PCDHGA4: variants seen among roughly 807,000 people sequenced by gnomAD.
The protein encoded by PCDHGA4 is protocadherin gamma-A4.
A neutral mutation model predicts 54.6 loss-of-function variants in PCDHGA4; 38 were observed. The observed-to-expected ratio is 0.70, with a 90% CI of 0.54 to 0.91. The LOEUF is 0.91. Ranked by LOEUF, PCDHGA4 falls within the 40% of genes least tolerant of loss-of-function variation. The pLI, the probability that PCDHGA4 is intolerant of heterozygous loss-of-function variation, is 0.00. For missense variants in PCDHGA4, 1,298 were observed against 1,220.9 expected (o/e 1.06, Z -0.94); for synonymous variants, 511 against 512.9 (o/e 1.00, Z 0.05).
At chr5:141,363,237 CATTTTCTACA>C (rs1481168613) in intron 1 of PCDHGA4, among the ~76,000 whole-genome samples, 1 of 152,240 alleles carries the variant, frequency 6.6e-6, no homozygotes, top group Non-Finnish European at 1.5e-5. Context: ...ATGTTCACAT[CATTTTCTACA>C]AAATATTACT....
Position 141,477,198 on chromosome 5 carries a change from TACCCGAGGATG to T in PCDHGA4, c.2515-17608_2515-17598del. 6.2e-7 allele frequency: 1 copy of T among 1,614,194 alleles called. No homozygotes were observed. The highest frequency in any genetic ancestry group is 2.2e-5 in the East Asian group (1 of 44,874). On this transcript the variant is annotated intron_variant, in intron 1 of 3. Transcript: ENST00000571252. The surrounding 1 kb of genome is among the most constrained non-coding windows in gnomAD (Gnocchi z 4.9). ...ACAGTCACCTCCGTGTACAGCCCAG[TACCCGAGGATG>T]CCCCTCTGGGGACTGTCATCGCTTT...
intron 1 of PCDHGA4, chr5:141,403,573 C>G: frequency 6.2e-7 from 1 of 1,613,946 alleles, no homozygotes; most frequent in South Asian, 1.1e-5. Context: ...AGGCAACTGC[C>G]CACCACCTGG....
intron 1 of PCDHGA4, chr5:141,384,769 G>A (rs778610936): frequency 6.2e-7 from 1 of 1,613,914 alleles, no homozygotes; most frequent in Non-Finnish European, 8.5e-7. Context: ...GCTGTACACG[G>A]GCGAGGTGCG....
At chr5:141,447,084 T>A (rs2098525776) in intron 1 of PCDHGA4, among the ~76,000 whole-genome samples, 1 of 152,186 alleles carries the variant, frequency 6.6e-6, no homozygotes, top group Non-Finnish European at 1.5e-5. Flanking sequence ...TTTTGTTGTT[T>A]AATTTTCTTT....
Position 141,383,135 on chromosome 5 carries a change from A to T in PCDHGA4, c.2514+25514A>T. On this transcript the variant is annotated intron_variant, in intron 1 of 3. Coordinates refer to ENST00000571252, the MANE Select transcript of PCDHGA4 (RefSeq NM_018917.4). ...AGGACGCAGCTTTTCGCCCTGAACC[A>T]GCGCAGCGGCAGCTTGGTCACTGCG... The T allele has an allele frequency of 1.2e-5, 20 of 1,614,114 alleles. No homozygotes were observed. Among genetic ancestry groups the T allele is most frequent in the Non-Finnish European group, 1.7e-5 (20 of 1,179,996 alleles).
rs754711722 is a variant in PCDHGA4, at chr5:141,371,108, C to A, written c.2514+13487C>A. Reference sequence around the variant, plus strand: ...TAATTGTCGCAGATGCAAATGATAACCCCCCAGTATTTACTCAGGACATGT... The same window carrying A: ...TAATTGTCGCAGATGCAAATGATAAACCCCCAGTATTTACTCAGGACATGT... On this transcript the variant is annotated intron_variant, in intron 1 of 3. Coordinates refer to ENST00000571252, the MANE Select transcript of PCDHGA4 (RefSeq NM_018917.4). 12 of 1,613,642 alleles carry A rather than the reference C, an allele frequency of 7.4e-6. No individual in the cohort carries two copies. In the African/African-American group the frequency reaches 1.5e-4, roughly 20 times the overall value.
intron 1 of PCDHGA4, chr5:141,418,539 A>C (rs984639830): frequency 6.2e-7 from 1 of 1,614,034 alleles, no homozygotes; most frequent in East Asian, 2.2e-5. Flanking sequence ...GGTACTGCTC[A>C]GATAAGAATC....
At chr5:141,501,997 C>A (rs2099812238) in intron 2 of PCDHGA4, among the ~76,000 whole-genome samples, 1 of 152,128 alleles carries the variant, frequency 6.6e-6, no homozygotes, top group Non-Finnish European at 1.5e-5. Context: ...GTCTCCCTGA[C>A]AACCCGCATG....
rs146748846 is a variant in PCDHGA4 at position 141,452,937 on chromosome 5, G to C, written c.2515-41870G>C. 4.0e-4 allele frequency among the ~76,000 whole-genome samples: 61 copies of C among 152,254 alleles called. No individual in the cohort carries two copies. The East Asian group carries it at 0.01, about 26-fold the overall frequency. On this transcript the variant is annotated intron_variant, in intron 1 of 3. Coordinates refer to ENST00000571252, the MANE Select transcript of PCDHGA4 (RefSeq NM_018917.4). The stretch of plus-strand genomic sequence containing the variant: ...AGTAAGAAAGAGCTGCTGAAGATTT[G>C]CTTGCAATTGGTTGTCTTTAAACTG...
chr5:141,361,197 T>A, intron 1 of PCDHGA4: 1 of 1,613,872 alleles, frequency 6.2e-7, no homozygotes, highest in South Asian at 1.1e-5. Flanking sequence ...CAGTATCTAC[T>A]CCCCTACCGG....
At position 141,364,458 on chromosome 5, in the gene PCDHGA4, C is replaced by G; in HGVS notation, c.2514+6837C>G. 6.2e-7 allele frequency: 1 copy of G among 1,614,028 alleles called. No homozygotes were observed. ...ATGCCGGAGGAGCTGGACAAAGGCT[C>G]CTTCGTCGGCAACATAGCCAAGGAC... On this transcript the variant is annotated intron_variant, in intron 1 of 3. Coordinates refer to ENST00000571252, the MANE Select transcript of PCDHGA4 (RefSeq NM_018917.4).
intron 1 of PCDHGA4, chr5:141,392,231 C>T (rs1225616326): frequency 6.6e-6 from 1 of 152,078 alleles, no homozygotes; most frequent in Non-Finnish European, 1.5e-5. Context: ...AACTGAAGTT[C>T]TTAGTTATTT....
chr5:141,432,537 C>T lies in PCDHGA4; in HGVS notation c.2515-62270C>T, dbSNP rs367578838. Reference sequence around the variant, plus strand: ...GGCTACCTGGTGACCAAGGTGGTGGCGGTGGACAGAGACTCCGGCCAGAAC... The same window carrying T: ...GGCTACCTGGTGACCAAGGTGGTGGTGGTGGACAGAGACTCCGGCCAGAAC... On this transcript the variant is annotated intron_variant, in intron 1 of 3. Transcript: ENST00000571252. This position sits in a 1 kb window ranked among gnomAD's most constrained non-coding sequence, Gnocchi z 6.0. The T allele has an allele frequency of 5.6e-6, 9 of 1,613,882 alleles. No homozygotes were observed. The African/African-American group carries it at 6.7e-5, about 12-fold the overall frequency.
chr5:141,365,732 G>C (rs780327572), intron 1 of PCDHGA4: 1 of 1,613,694 alleles, frequency 6.2e-7, no homozygotes, highest in Non-Finnish European at 8.5e-7. Flanking sequence ...CAATCCCAGA[G>C]GTGTCTCTAT....
Position 141,476,376 on chromosome 5 carries a change from T to C in PCDHGA4, c.2515-18431T>C. ...GTGAACCGGGAGACCGGAGAGATGT[T>C]TGTGAACGACCGTCTGGATCGAGAG... On this transcript the variant is annotated intron_variant, in intron 1 of 3. Coordinates refer to ENST00000571252, the MANE Select transcript of PCDHGA4 (RefSeq NM_018917.4). The surrounding 1 kb of genome is among the most constrained non-coding windows in gnomAD (Gnocchi z 7.6). The C allele has an allele frequency of 6.2e-7, 1 of 1,614,060 alleles. No homozygotes were observed. Among genetic ancestry groups the C allele is most frequent in the Non-Finnish European group, 8.5e-7 (1 of 1,180,004 alleles).
chr5:141,382,821 CAG>C, intron 1 of PCDHGA4: 1 of 1,306,412 alleles, frequency 7.7e-7, no homozygotes, highest in South Asian at 1.5e-5. Context: ...CTTCCTAAGA[CAG>C]AGGGGTCCAC....
rs141605264 is a variant in PCDHGA4, at chr5:141,479,755, A to C, written c.2515-15052A>C. The C allele has an allele frequency of 2.6e-3, 390 of 152,364 alleles. 2 individuals are homozygous for C. The highest frequency in any genetic ancestry group is 9.1e-3 in the African/African-American group (378 of 41,580). 9.4% of individuals were successfully genotyped at this position (152,364 alleles called of 1,614,324 possible). On this transcript the variant is annotated intron_variant, in intron 1 of 3. Coordinates refer to ENST00000571252, the MANE Select transcript of PCDHGA4 (RefSeq NM_018917.4). ...AGTATATGCACAATGTGAAAGGTAG[A>C]TAAATTCATATCCTTAGACAGGTAA...
chr5:141,476,053 A>G lies in PCDHGA4; in HGVS notation c.2515-18754A>G. 2 of 1,501,944 alleles carry G rather than the reference A, an allele frequency of 1.3e-6. No homozygotes were observed. Among genetic ancestry groups the G allele is most frequent in the Non-Finnish European group, 1.8e-6 (2 of 1,131,392 alleles). 93.0% of individuals were successfully genotyped at this position (1,501,944 alleles called of 1,614,324 possible). ...CAGCGCCCAAGCGCTAACCCGCTGA[A>G]AGTTTCTCAGCGAAATCTCAGGGAC... On this transcript the variant is annotated intron_variant, in intron 1 of 3. Coordinates refer to ENST00000571252, the MANE Select transcript of PCDHGA4 (RefSeq NM_018917.4). The surrounding 1 kb of genome is among the most constrained non-coding windows in gnomAD (Gnocchi z 7.6).
chr5:141,370,485 GA>G, intron 1 of PCDHGA4: 1 of 1,613,916 alleles, frequency 6.2e-7, no homozygotes, highest in South Asian at 1.1e-5. Flanking sequence ...GGCTCTCTCC[GA>G]ACCGATCCGC....
Sources: gnomAD v4.1 joint callset for allele counts (sites outside exome capture counted in the v4.1 genomes callset) on GRCh38, gnomAD v4.1.1 for gene constraint, Gnocchi (gnomAD v3.1) non-coding constraint, MANE v1.5 for transcripts, NCBI Gene and HGNC (gene_info 2026-07-23, HGNC 2026-07-21) for gene names.